Variants in UBAP2 observed in about 807,000 individuals in gnomAD.
UBAP2 encodes the protein ubiquitin associated protein 2.
UBAP2 carries 75 observed loss-of-function variants against 139.6 expected under a neutral mutation model. The ratio of observed to expected loss-of-function variants is 0.54; its 90% CI spans 0.45 to 0.65. The LOEUF (loss-of-function observed/expected upper bound fraction) is 0.65. Among genes scored for constraint, UBAP2 ranks in the 30% least tolerant of loss-of-function variants. The probability of loss-of-function intolerance (pLI) is 0.00; values close to 1 mark genes in which losing one functional copy is unlikely to be tolerated. For synonymous variants in UBAP2, 526 were observed against 526.2 expected (o/e 1.00, Z 0.01); for missense variants, 1,368 against 1,369.6 (o/e 1.00, Z 0.02).
chr9:34,047,226 C>A (rs1319882085), intron 1 of UBAP2, among the ~76,000 whole-genome samples: 1 of 152,140 alleles, frequency 6.6e-6, no homozygotes, highest in Non-Finnish European at 1.5e-5. Flanking sequence ...TCTCGTCACA[C>A]GTATCAACTA....
intron 25 of UBAP2, 30 bp downstream of exon 25, chr9:33,923,349 A>G (rs749176305): frequency 9.9e-6 from 16 of 1,613,752 alleles, no homozygotes; most frequent in Admixed American, 8.3e-5. Context: ...GTCTAACCCC[A>G]TGTGTCTCTG....
At chr9:34,001,978 C>CA (rs1822747203) in intron 2 of UBAP2, among the ~76,000 whole-genome samples, 1 of 149,126 alleles carries the variant, frequency 6.7e-6, no homozygotes, top group African/African-American at 2.5e-5. Context: ...AAAAAAAAAA[C>CA]AAAAAAACAG....
intron 1 of UBAP2, among the ~76,000 whole-genome samples, chr9:34,036,122 T>C (rs1826344025): frequency 6.6e-6 from 1 of 151,958 alleles, no homozygotes; most frequent in African/African-American, 2.4e-5. Flanking sequence ...TTTTTTCTTT[T>C]TTTTTTTTTG....
At chr9:33,969,910 C>T (rs1378398227) in intron 8 of UBAP2, among the ~76,000 whole-genome samples, 4 of 140,546 alleles carry the variant, frequency 2.8e-5, no homozygotes, top group Non-Finnish European at 3.0e-5. Flanking sequence ...ACTTAAATAC[C>T]GTGTATAATT....
At chr9:33,977,283 C>T (rs909007289) in intron 6 of UBAP2, among the ~76,000 whole-genome samples, 2 of 151,882 alleles carry the variant, frequency 1.3e-5, no homozygotes, top group Non-Finnish European at 2.9e-5. Flanking sequence ...GTGATCCGCC[C>T]GCCTTAGCCT....
rs1208681786 is a variant in UBAP2 at position 33,926,999 on chromosome 9, G to C, written c.2453C>G (p.Pro818Arg). 1.9e-6 allele frequency: 3 copies of C among 1,614,102 alleles called. No homozygotes were observed. The highest frequency in any genetic ancestry group is 1.3e-5 in the African/African-American group (1 of 75,060). ...QYLVGPGGLL[P>R]AYPIYGYDEL... is the part of the protein sequence containing the mutation. ...CCGCCATACACTCACCGGGTAGGCA[G>C]GAAGCAGTCCTCCGGGACCTACGAG... Residue 818 changes from proline (P) to arginine (R), a missense_variant, in exon 21 of 29, where the codon CCT becomes CGT. Coordinates refer to ENST00000379238, the MANE Select transcript of UBAP2 (RefSeq NM_001370062.2).
chr9:33,924,116 C>CCT, intron 23 of UBAP2, 90 bp downstream of exon 23: 1 of 1,580,042 alleles, frequency 6.3e-7, no homozygotes, highest in Admixed American at 1.7e-5. Flanking sequence ...TACTAAGAGG[C>CCT]CTCTCTCAGC....
intron 1 of UBAP2, among the ~76,000 whole-genome samples, chr9:34,026,540 C>T (rs1785512): frequency 0.68 from 103,481 of 151,994 alleles, 35,863 homozygotes; most frequent in East Asian, 0.82. Context: ...GGGTCTATCT[C>T]AAACTGGCAA....
intron 1 of UBAP2, among the ~76,000 whole-genome samples, chr9:34,032,593 G>T (rs1825977278): frequency 6.6e-6 from 1 of 152,098 alleles, no homozygotes; most frequent in South Asian, 2.1e-4. Context: ...TTCTACTACA[G>T]TCATGATGAC....
At chr9:34,026,722 A>G (rs1408097485) in intron 1 of UBAP2, among the ~76,000 whole-genome samples, 1 of 152,216 alleles carries the variant, frequency 6.6e-6, no homozygotes, top group Non-Finnish European at 1.5e-5. Context: ...ACTCTAGAGT[A>G]CACATTACTT....
At chr9:33,944,767 C>T in intron 13 of UBAP2, 128 bp from the exon 14 acceptor site, 42 of 1,065,302 alleles carry the variant, frequency 3.9e-5, no homozygotes, top group Non-Finnish European at 5.6e-5. Flanking sequence ...GTTTTACACA[C>T]ACTATGTGTA....
Position 33,927,173 on chromosome 9 carries a change from A to G in UBAP2, c.2372-93T>C, listed in dbSNP as rs542401117. 4.1e-4 allele frequency: 386 copies of G among 934,388 alleles called. 3 individuals are homozygous for G. The South Asian group carries it at 6.2e-3, about 15-fold the overall frequency. The allele number at this position is 934,388 out of a possible 1,614,324, so 57.9% of individuals were successfully genotyped here. On this transcript the variant is annotated intron_variant, in intron 20 of 28. Transcript: ENST00000379238. Reference sequence around the variant, plus strand: ...CAGGAGGAGGCACAGTCACTGAGCTACCCCAGATGGGTTCAAAGAAGGGCA... The same window carrying G: ...CAGGAGGAGGCACAGTCACTGAGCTGCCCCAGATGGGTTCAAAGAAGGGCA...
chr9:34,015,630 A>G (rs1824183970), intron 2 of UBAP2, among the ~76,000 whole-genome samples: 2 of 151,906 alleles, frequency 1.3e-5, no homozygotes, highest in South Asian at 2.1e-4. Flanking sequence ...CCCGGCCTCA[A>G]GTGGATCTTG....
intron 15 of UBAP2, among the ~76,000 whole-genome samples, chr9:33,942,694 C>T (rs536898676): frequency 6.6e-6 from 1 of 150,792 alleles, no homozygotes; most frequent in African/African-American, 2.4e-5. Context: ...TGCTGCTGCA[C>T]TCCAGCCTGG....
chr9:34,042,751 T>C (rs1328590147), intron 1 of UBAP2, among the ~76,000 whole-genome samples: 3 of 152,064 alleles, frequency 2.0e-5, no homozygotes, highest in Non-Finnish European at 2.9e-5. Flanking sequence ...TAATGTCCTA[T>C]TTCTTGGTTG....
At chr9:33,977,332 C>T (rs1354763314) in intron 6 of UBAP2, among the ~76,000 whole-genome samples, 1 of 151,976 alleles carries the variant, frequency 6.6e-6, no homozygotes, top group Non-Finnish European at 1.5e-5. Flanking sequence ...CCACCGCGCC[C>T]AGCCAAACAA....
chr9:33,995,002 T>C (rs548261239), intron 4 of UBAP2: 60 of 152,272 alleles, frequency 3.9e-4, no homozygotes, highest in African/African-American at 1.4e-3. Flanking sequence ...CATCTTTGTA[T>C]CCTCTTTTAG....
In UBAP2 at chr9:33,986,215, G is replaced by C. The variant is rs1044445843; in HGVS notation, c.520+545C>G. On this transcript the variant is annotated intron_variant, in intron 6 of 28. Coordinates refer to ENST00000379238, the MANE Select transcript of UBAP2 (RefSeq NM_001370062.2). ...CTACAGGTGCGTGCCACCACACTTAGCTATTTTTTATATTTTTTGGTAGAG... is the reference window on the plus strand; with the variant it reads ...CTACAGGTGCGTGCCACCACACTTACCTATTTTTTATATTTTTTGGTAGAG... 2.6e-5 allele frequency among the ~76,000 whole-genome samples: 4 copies of C among 151,894 alleles called. 1 individual carries two copies. Among genetic ancestry groups the C allele is most frequent in the Admixed American group, 1.3e-4 (2 of 15,250 alleles).
At chr9:34,038,837 G>A (rs1826725035) in intron 1 of UBAP2, among the ~76,000 whole-genome samples, 1 of 151,776 alleles carries the variant, frequency 6.6e-6, no homozygotes, top group Admixed American at 6.6e-5. Flanking sequence ...TAGGAAGTGA[G>A]GAGCGTCTCT....
Sources: gnomAD v4.1 joint callset for allele counts (sites outside exome capture counted in the v4.1 genomes callset) on GRCh38, gnomAD v4.1.1 for gene constraint, MANE v1.5 for transcripts, NCBI Gene and HGNC (gene_info 2026-07-23, HGNC 2026-07-21) for gene names.